The following ARID1B variants were observed in gnomAD, a reference collection of about 807,000 sequenced individuals.
The protein encoded by ARID1B is AT-rich interaction domain 1B, also known as AT-rich interactive domain-containing protein 1B.
In ARID1B, 30 loss-of-function variants were observed where a neutral mutation model predicts 212.3. That is an observed-to-expected ratio of 0.14 (90% CI 0.11 to 0.19). The LOEUF is 0.19. Ranked by LOEUF, ARID1B falls within the 10% of genes least tolerant of loss-of-function variation. The probability of loss-of-function intolerance (pLI) is 1.00; values close to 1 mark genes in which losing one functional copy is unlikely to be tolerated. For synonymous variants in ARID1B, 1,402 were observed against 1,301.7 expected, an observed-to-expected ratio of 1.08 and a Z score of -1.66; for missense variants, 2,891 against 3,204.0, an observed-to-expected ratio of 0.90 and a Z score of 2.36.
chr6:156,979,069 A>G (rs1240566182), intron 4 of ARID1B, among the ~76,000 whole-genome samples: 1 of 152,210 alleles, frequency 6.6e-6, no homozygotes, highest in African/African-American at 2.4e-5. Context: ...AGTATCCTGA[A>G]AGCGCTAGTA....
chr6:157,067,125 T>G lies in ARID1B; in HGVS notation c.2248-17537T>G, dbSNP rs6907811. ...TGTTTGCCAAGCAGATTCCAAGACT[T>G]TCTTCTGTCTCATTATAAACAAAGA... is the stretch of plus-strand genomic sequence containing the variant. On this transcript the variant is annotated intron_variant, in intron 4 of 19. Coordinates refer to ENST00000636930, the MANE Select transcript of ARID1B (RefSeq NM_001374828.1). 5.8e-3 allele frequency among the ~76,000 whole-genome samples: 882 copies of G among 152,332 alleles called. 15 individuals are homozygous for G. The highest frequency in any genetic ancestry group is 0.021 in the African/African-American group (854 of 41,564).
intron 11 of ARID1B, among the ~76,000 whole-genome samples, chr6:157,178,220 A>G (rs2128311466): frequency 6.6e-6 from 1 of 152,256 alleles, no homozygotes; most frequent in East Asian, 1.9e-4. Flanking sequence ...AATTCCTGTT[A>G]GCATGTTCCA....
At chr6:157,167,644 T>A (rs1251358009) in intron 9 of ARID1B, 2 of 155,072 alleles carry the variant, frequency 1.3e-5, no homozygotes, top group African/African-American at 4.8e-5. Flanking sequence ...CGGAAGTAGC[T>A]GCTTCATAAA....
chr6:157,041,916 A>G (rs79040966), intron 4 of ARID1B, among the ~76,000 whole-genome samples: 5,526 of 152,220 alleles, frequency 0.036, 140 homozygotes, highest in African/African-American at 0.07. Context: ...GCAGTTCACT[A>G]CTTGCCCTGT....
intron 3 of ARID1B, among the ~76,000 whole-genome samples, chr6:156,922,488 C>G (rs769326869): frequency 1.1e-4 from 16 of 152,062 alleles, no homozygotes; most frequent in Non-Finnish European, 2.2e-4. Flanking sequence ...GCTCTTTAGA[C>G]TAGAGTTACT....
rs774381845 is a variant in ARID1B, at chr6:157,148,976, G to A, written c.3089+25G>A. ...GGTACGCCACCCAGGAGCACGCCCC[G>A]GGCAGGTACGCTGTGTGTCTACCCG... On this transcript the variant is annotated intron_variant, in intron 8 of 19. Coordinates refer to ENST00000636930, the MANE Select transcript of ARID1B (RefSeq NM_001374828.1). This position sits in a 1 kb window ranked among gnomAD's most constrained non-coding sequence, Gnocchi z 5.6. The A allele has an allele frequency of 6.4e-5, 102 of 1,592,606 alleles. No homozygotes were observed. In the Admixed American group the frequency reaches 1.0e-3, roughly 16 times the overall value.
At chr6:157,137,879 G>C (rs1243701283) in intron 7 of ARID1B, among the ~76,000 whole-genome samples, 1 of 152,110 alleles carries the variant, frequency 6.6e-6, no homozygotes, top group Non-Finnish European at 1.5e-5. Context: ...TTTGGTAAAG[G>C]TGTTTTTCAG....
Position 157,173,827 on chromosome 6 carries a change from A to C in ARID1B, c.3236-181A>C, listed in dbSNP as rs1442468587. The C allele has an allele frequency of 9.6e-6, 5 of 520,510 alleles. No homozygotes were observed. In the East Asian group the frequency reaches 1.2e-4, roughly 13 times the overall value. The allele number at this position is 520,510 out of a possible 1,614,324, so 32.2% of individuals were successfully genotyped here. A position where few individuals can be genotyped will look rare whatever the true frequency, so the allele number is the denominator to read the frequency against. ...TTTTTAGATAAAAAAGGATTTTGCC[A>C]GAATGCGGTGCTGTTTGCATTTCAG... On this transcript the variant is annotated intron_variant, in intron 9 of 19. Transcript: ENST00000636930.
chr6:157,086,123 G>A (rs538153148), intron 5 of ARID1B, among the ~76,000 whole-genome samples: 2 of 152,330 alleles, frequency 1.3e-5, no homozygotes, highest in South Asian at 2.1e-4. Context: ...AACAATTACA[G>A]TAGGATAGCG....
intron 2 of ARID1B, among the ~76,000 whole-genome samples, chr6:156,868,577 A>G (rs1785884079): frequency 6.6e-6 from 1 of 152,140 alleles, no homozygotes; most frequent in Non-Finnish European, 1.5e-5. Flanking sequence ...GTGTCCTCCT[A>G]TGGTGGAAGG....
At chr6:156,926,383 CAGAA>C (rs1791218695) in intron 3 of ARID1B, among the ~76,000 whole-genome samples, 1 of 152,244 alleles carries the variant, frequency 6.6e-6, no homozygotes, top group African/African-American at 2.4e-5. Context: ...CATTATGAAA[CAGAA>C]AGATTGAAAG....
rs1461885901 is a variant in ARID1B at position 157,037,686 on chromosome 6, A to G, written c.2248-46976A>G. ...GCTATTAAAAGATTTTAAGCCAGGTAGTGGTCAGATTTGCAATTTAGACAG... is the reference window on the plus strand; with the variant it reads ...GCTATTAAAAGATTTTAAGCCAGGTGGTGGTCAGATTTGCAATTTAGACAG... On this transcript the variant is annotated intron_variant, in intron 4 of 19. Coordinates refer to ENST00000636930, the MANE Select transcript of ARID1B (RefSeq NM_001374828.1). Among the ~76,000 whole-genome samples, 4 of 152,242 alleles carry G rather than the reference A, an allele frequency of 2.6e-5. 1 individual carries two copies. Among genetic ancestry groups the G allele is most frequent in the South Asian group, 4.1e-4 (2 of 4,832 alleles).
rs554173642 is a variant in ARID1B at position 156,812,976 on chromosome 6, G to GTGTGTGTA, written c.1792-16250_1792-16249insGTGTGTAT. ...TGTGTGTGTGTGTGTGTGTGTGTGT[G>GTGTGTGTA]TATGTATATACATACGTATGTATAT... On this transcript the variant is annotated intron_variant, in intron 1 of 19. Coordinates refer to ENST00000636930, the MANE Select transcript of ARID1B (RefSeq NM_001374828.1). Among the ~76,000 whole-genome samples the GTGTGTGTA allele has an allele frequency of 3.3e-3, 349 of 104,322 alleles. 6 individuals carry two copies. The highest frequency in any genetic ancestry group is 0.014 in the South Asian group (43 of 2,978). 68.4% of individuals were successfully genotyped at this position (104,322 alleles called of 152,430 possible). A position where few individuals can be genotyped will look rare whatever the true frequency, so the allele number is the denominator to read the frequency against.
chr6:156,935,780 G>T lies in ARID1B; in HGVS notation c.2247+204G>T, dbSNP rs189973188. Reference sequence around the variant, plus strand: ...GTCTATTTCATGTGTATATATCTCTGTTGCAGAGTGTAGACATCAGTTGGA... The same window carrying T: ...GTCTATTTCATGTGTATATATCTCTTTTGCAGAGTGTAGACATCAGTTGGA... On this transcript the variant is annotated intron_variant, in intron 4 of 19. Transcript: ENST00000636930. The T allele has an allele frequency of 9.8e-4, 488 of 496,932 alleles. 2 individuals carry two copies. In the Middle Eastern group the frequency reaches 0.012, roughly 13 times the overall value. 30.8% of individuals were successfully genotyped at this position (496,932 alleles called of 1,614,324 possible). A position where few individuals can be genotyped will look rare whatever the true frequency, so the allele number is the denominator to read the frequency against.
rs983899752 is a variant in ARID1B at position 156,937,225 on chromosome 6, G to A, written c.2247+1649G>A. On this transcript the variant is annotated intron_variant, in intron 4 of 19. Coordinates refer to ENST00000636930, the MANE Select transcript of ARID1B (RefSeq NM_001374828.1). ...TACGTGTGTGAGAGAGAGAGAAGGAGAGAGACAGAGGCATGCATGCTGTCG... is the reference window on the plus strand; with the variant it reads ...TACGTGTGTGAGAGAGAGAGAAGGAAAGAGACAGAGGCATGCATGCTGTCG... 2.0e-5 allele frequency: 3 copies of A among 152,154 alleles called. No individual in the cohort carries two copies. The East Asian group carries it at 5.8e-4, about 29-fold the overall frequency. The allele number at this position is 152,154 out of a possible 1,614,324, so 9.4% of individuals were successfully genotyped here.
chr6:157,099,369 C>T (rs1785899497), intron 5 of ARID1B, among the ~76,000 whole-genome samples: 2 of 152,146 alleles, frequency 1.3e-5, no homozygotes, highest in African/African-American at 2.4e-5. Context: ...TTTTCAGTTT[C>T]TTTGCCCCAA....
chr6:156,883,689 C>A lies in ARID1B; in HGVS notation c.1987-17687C>A, dbSNP rs113400877. Among the ~76,000 whole-genome samples, 415 of 152,242 alleles carry A rather than the reference C, an allele frequency of 2.7e-3. 2 individuals are homozygous for A. Among genetic ancestry groups the A allele is most frequent in the African/African-American group, 9.7e-3 (401 of 41,530 alleles). ...ACCTCGTCTCACTCCAGCCCCATCT[C>A]TTCACCTTTCCTTGCTTTGACTCTT... On this transcript the variant is annotated intron_variant, in intron 2 of 19. Coordinates refer to ENST00000636930, the MANE Select transcript of ARID1B (RefSeq NM_001374828.1).
rs754864354 is a variant in ARID1B, at chr6:157,206,214, G to A, written c.5442G>A (p.Leu1814=). 3 of 1,614,152 alleles carry A rather than the reference G, an allele frequency of 1.9e-6. No individual in the cohort carries two copies. The Admixed American group carries it at 5.0e-5, about 27-fold the overall frequency. Residue 1814 remains leucine (L), a synonymous_variant, in exon 20 of 20, where the codon CTG becomes CTA. Coordinates refer to ENST00000636930, the MANE Select transcript of ARID1B (RefSeq NM_001374828.1). This position sits in a 1 kb window ranked among gnomAD's most constrained non-coding sequence, Gnocchi z 6.8. ...TAGTCGAGTACTTTAGAAAATGCCT[G>A]ATTGACATTTTTGGAATTCTTATGG... is the stretch of plus-strand genomic sequence containing the variant. ...ELLVEYFRKC[L]IDIFGILMEY...
chr6:157,089,451 C>A (rs943397404), intron 5 of ARID1B, among the ~76,000 whole-genome samples: 3 of 152,172 alleles, frequency 2.0e-5, no homozygotes, highest in Non-Finnish European at 4.4e-5. Context: ...ATCCCTAACT[C>A]AGCTGGGCTT....
Sources: gnomAD v4.1 joint callset for allele counts (sites outside exome capture counted in the v4.1 genomes callset) on GRCh38, gnomAD v4.1.1 for gene constraint, Gnocchi (gnomAD v3.1) non-coding constraint, MANE v1.5 for transcripts, NCBI Gene and HGNC (gene_info 2026-07-23, HGNC 2026-07-21) for gene names.